The following GVQW3 variants were observed in gnomAD, a reference collection of about 807,000 sequenced individuals.
GVQW3 encodes the protein GVQW motif containing 3.
In GVQW3, 7 loss-of-function variants were observed where a neutral mutation model predicts 12.5. The ratio of observed to expected loss-of-function variants is 0.56; its 90% CI spans 0.32 to 1.05. GVQW3 has a LOEUF of 1.05. Ranked by LOEUF, GVQW3 falls within the 50% of genes least tolerant of loss-of-function variation. The pLI is 0.04. For missense variants in GVQW3, 188 were observed against 190.8 expected, an observed-to-expected ratio of 0.99 and a Z score of 0.09; for synonymous variants, 71 against 67.2, an observed-to-expected ratio of 1.06 and a Z score of -0.28.
chr11:76,384,095 A>G (rs2134533511), intron 1 of GVQW3, among the ~76,000 whole-genome samples: 1 of 152,336 alleles, frequency 6.6e-6, no homozygotes, highest in South Asian at 2.1e-4. Flanking sequence ...TCCAAGTAAT[A>G]CCACATAGAC....
rs1947050207 is a variant in GVQW3 at position 76,407,340 on chromosome 11, G to T, written c.*3582G>T. ...CACGCCTGTAATCCCAATACTTTGG[G>T]AGGCCGAGGTGGGCAGATCACAAGT... is the stretch of plus-strand genomic sequence containing the variant. On this transcript the variant is annotated 3_prime_UTR_variant, in exon 2 of 2. Transcript: ENST00000529331. 1 of 152,106 alleles carries T rather than the reference G, an allele frequency of 6.6e-6. No individual in the cohort carries two copies. Among genetic ancestry groups the T allele is most frequent in the Admixed American group, 6.5e-5 (1 of 15,268 alleles). The allele number at this position is 152,106 out of a possible 1,614,324, so 9.4% of individuals were successfully genotyped here.
Position 76,403,694 on chromosome 11 carries a change from C to T in GVQW3, c.500C>T (p.Ser167Leu), listed in dbSNP as rs192870914. ...RNLTMLPRLV[S>L]NSLSQGILPP... ...CTCACTATGTTGCCCAGGCTGGTCTCGAACTCCTTGTCTCAAGGGATCCTC... is the reference window on the plus strand; with the variant it reads ...CTCACTATGTTGCCCAGGCTGGTCTTGAACTCCTTGTCTCAAGGGATCCTC... Residue 167 changes from serine to leucine, a missense_variant, in exon 2 of 2, where the codon TCG (serine) becomes TTG (leucine). Physicochemically the swap from Ser to Leu is moderately radical, Grantham distance 145. Coordinates refer to ENST00000529331, the MANE Select transcript of GVQW3 (RefSeq NM_001347885.2). 1.3e-4 allele frequency: 63 copies of T among 482,268 alleles called. No individual in the cohort carries two copies. Among genetic ancestry groups the T allele is most frequent in the African/African-American group, 2.0e-5 (1 of 50,344 alleles). 29.9% of individuals were successfully genotyped at this position (482,268 alleles called of 1,614,324 possible). A position where few individuals can be genotyped will look rare whatever the true frequency, so the allele number is the denominator to read the frequency against.
intron 1 of GVQW3, chr11:76,395,199 T>C (rs1419769773): frequency 6.6e-6 from 1 of 152,224 alleles, no homozygotes; most frequent in Non-Finnish European, 1.5e-5. Context: ...TTGCATTTAG[T>C]GCATTCACAA....
chr11:76,400,516 G>A (rs2134558696), intron 1 of GVQW3, among the ~76,000 whole-genome samples: 1 of 152,220 alleles, frequency 6.6e-6, no homozygotes, highest in South Asian at 2.1e-4. Context: ...CGCCTCCTGG[G>A]TTCGAGCGAT....
At chr11:76,392,135 T>C (rs1946898526) in intron 1 of GVQW3, 2 of 152,186 alleles carry the variant, frequency 1.3e-5, no homozygotes, top group Non-Finnish European at 2.9e-5. Flanking sequence ...AGACTGTCAA[T>C]TTTTCCCAGA....
rs909124871 is a variant in GVQW3 at position 76,389,450 on chromosome 11, T to C, written c.465+7157T>C. On this transcript the variant is annotated intron_variant, in intron 1 of 1. Transcript: ENST00000529331. ...CTGGGTGGACACAGAGGCTATATGA[T>C]CTTGTGTTGGCAGCAAGGCTGGGAC... 4.6e-4 allele frequency among the ~76,000 whole-genome samples: 69 copies of C among 149,210 alleles called. No individual in the cohort carries two copies. The Admixed American group carries it at 4.7e-3, about 10-fold the overall frequency.
chr11:76,387,392 T>C (rs901138700), intron 1 of GVQW3, among the ~76,000 whole-genome samples: 1 of 152,086 alleles, frequency 6.6e-6, no homozygotes, highest in Non-Finnish European at 1.5e-5. Context: ...ATCTTGCCAC[T>C]ACTCCAGCCT....
At chr11:76,385,184 A>G (rs1463838485) in intron 1 of GVQW3, among the ~76,000 whole-genome samples, 4 of 152,218 alleles carry the variant, frequency 2.6e-5, no homozygotes, top group African/African-American at 9.6e-5. Flanking sequence ...GTGAATTCAA[A>G]TGGTTCCAAT....
At chr11:76,398,134 C>A (rs901562202) in intron 1 of GVQW3, among the ~76,000 whole-genome samples, 677 of 107,336 alleles carry the variant, frequency 6.3e-3, no homozygotes, top group Non-Finnish European at 6.3e-3. Flanking sequence ...GACTGTGTCT[C>A]AAAAAAAAAA....
intron 1 of GVQW3, among the ~76,000 whole-genome samples, chr11:76,399,152 T>TGTATTGTATTGTA (rs1946965891): frequency 6.6e-6 from 1 of 152,146 alleles, no homozygotes; most frequent in African/African-American, 2.4e-5. Context: ...TTTATTTTAT[T>TGTATTGTATTGTA]TACTTGAGAC....
intron 1 of GVQW3, chr11:76,383,870 A>T (rs1380351769): frequency 5.9e-5 from 9 of 152,178 alleles, no homozygotes; most frequent in Admixed American, 5.9e-4. Context: ...GCAGATGAAC[A>T]ATTTGGGATA....
intron 1 of GVQW3, 174 bp downstream of exon 1, chr11:76,382,467 A>G: frequency 3.1e-6 from 2 of 648,548 alleles, no homozygotes; most frequent in East Asian, 2.7e-5. Context: ...GGTGAGAGGA[A>G]TGTGAGTTAG....
exon 2 of GVQW3, chr11:76,414,479 T>C (rs1947101966): frequency 6.6e-6 from 1 of 152,154 alleles, no homozygotes; most frequent in Non-Finnish European, 1.5e-5. Context: ...TCTCTTCTCT[T>C]TTCCTCTCTC....
rs1181090072 is a variant in GVQW3, at chr11:76,407,862, G to A, written c.*4104G>A. On this transcript the variant is annotated 3_prime_UTR_variant, in exon 2 of 2. Transcript: ENST00000529331. Reference sequence around the variant, plus strand: ...TAAAGAACTGTCAATGATGTTTGAAGATGTTCACAATAAGATAGGTGATAA... The same window carrying A: ...TAAAGAACTGTCAATGATGTTTGAAAATGTTCACAATAAGATAGGTGATAA... 6.6e-6 allele frequency: 1 copy of A among 152,012 alleles called. No homozygotes were observed. The highest frequency in any genetic ancestry group is 2.4e-5 in the African/African-American group (1 of 41,412). 9.4% of individuals were successfully genotyped at this position (152,012 alleles called of 1,614,324 possible). A position where few individuals can be genotyped will look rare whatever the true frequency, so the allele number is the denominator to read the frequency against.
In GVQW3 at chr11:76,407,617, T is replaced by G. The variant is rs1156364539; in HGVS notation, c.*3859T>G. 1.3e-5 allele frequency: 2 copies of G among 150,012 alleles called. No individual in the cohort carries two copies. Among genetic ancestry groups the G allele is most frequent in the Middle Eastern group, 3.5e-3 (1 of 288 alleles). The allele number at this position is 150,012 out of a possible 1,614,324, so 9.3% of individuals were successfully genotyped here. A position where few individuals can be genotyped will look rare whatever the true frequency, so the allele number is the denominator to read the frequency against. ...AAAAAAAAAAAAGAATTTAAGCCAG[T>G]TGACCTAGGAATCTTCTAGGACGAT... On this transcript the variant is annotated 3_prime_UTR_variant, in exon 2 of 2. Transcript: ENST00000529331.
intron 1 of GVQW3, among the ~76,000 whole-genome samples, chr11:76,394,376 C>T (rs1005718654): frequency 9.3e-5 from 14 of 150,186 alleles, no homozygotes; most frequent in Admixed American, 2.0e-4. Flanking sequence ...CATCATTCTA[C>T]TCTCTGTCTC....
intron 1 of GVQW3, among the ~76,000 whole-genome samples, chr11:76,393,954 A>G (rs1188040902): frequency 6.6e-6 from 1 of 152,112 alleles, no homozygotes; most frequent in Non-Finnish European, 1.5e-5. Context: ...GCTGGAGTGC[A>G]GTGGCACCAT....
At chr11:76,413,869 C>G (rs563199437) in exon 2 of GVQW3, 12 of 152,020 alleles carry the variant, frequency 7.9e-5, no homozygotes, top group Non-Finnish European at 1.8e-4. Context: ...CAGTGTGTGC[C>G]GCTCACCCTA....
At chr11:76,396,313 A>T (rs138771760) in intron 1 of GVQW3, among the ~76,000 whole-genome samples, 2,696 of 150,262 alleles carry the variant, frequency 0.018, 31 homozygotes, top group Non-Finnish European at 0.025. Flanking sequence ...TTATTATTTT[A>T]TTATTATTAT....
Sources: gnomAD v4.1 joint callset for allele counts (sites outside exome capture counted in the v4.1 genomes callset) on GRCh38, gnomAD v4.1.1 for gene constraint, MANE v1.5 for transcripts, NCBI Gene and HGNC (gene_info 2026-07-23, HGNC 2026-07-21) for gene names.